GCLC: variants seen among roughly 807,000 people sequenced by gnomAD.
GCLC encodes the protein glutamate-cysteine ligase catalytic subunit.
A neutral mutation model predicts 81.5 loss-of-function variants in GCLC; 30 were observed. The observed-to-expected ratio is 0.37, with a 90% CI of 0.28 to 0.50. The LOEUF (loss-of-function observed/expected upper bound fraction) is 0.50, where lower values mean the gene tolerates loss of function less well. GCLC is among the 20% of genes least tolerant of loss of function. The probability of loss-of-function intolerance (pLI) is 0.96; values close to 1 mark genes in which losing one functional copy is unlikely to be tolerated. For missense variants in GCLC, 556 were observed against 777.4 expected (o/e 0.72, Z 3.39); for synonymous variants, 262 against 273.3 (o/e 0.96, Z 0.41).
intron 1 of GCLC, among the ~76,000 whole-genome samples, chr6:53,543,685 T>C (rs1344865026): frequency 1.3e-5 from 2 of 152,220 alleles, no homozygotes; most frequent in Non-Finnish European, 1.5e-5. Context: ...ACAAAAAGTT[T>C]TGGCAGATGA....
chr6:53,514,790 G>T (rs1480649824), intron 4 of GCLC, among the ~76,000 whole-genome samples: 1 of 152,166 alleles, frequency 6.6e-6, no homozygotes, highest in Non-Finnish European at 1.5e-5. Flanking sequence ...GGTGTTCAAA[G>T]TCTGCCATGG....
At chr6:53,516,250 T>C (rs1159317221) in intron 3 of GCLC, 28 bp from the exon 4 acceptor site, 1 of 1,371,002 alleles carries the variant, frequency 7.3e-7, no homozygotes, top group African/African-American at 1.4e-5. Flanking sequence ...ACTAAATAGA[T>C]GGGATTTGTT....
In GCLC at chr6:53,544,755, C is replaced by T; in HGVS notation, c.-110G>A. 1 of 1,109,100 alleles carries T rather than the reference C, an allele frequency of 9.0e-7. No homozygotes were observed. Among genetic ancestry groups the T allele is most frequent in the Non-Finnish European group, 1.2e-6 (1 of 809,590 alleles). The allele number at this position is 1,109,100 out of a possible 1,614,324, so 68.7% of individuals were successfully genotyped here. On this transcript the variant is annotated 5_prime_UTR_variant, in exon 1 of 16. Transcript: ENST00000650454. ...AGAAGGCGGCTGCCGCTCCACCCCG[C>T]GGGGGCGCTCTCGGGCCGCAGTCGG...
In GCLC at chr6:53,500,307, G is replaced by A. The variant is rs769273151; in HGVS notation, c.1521C>T (p.Ser507=). Residue 507 remains serine, a synonymous_variant, in exon 14 of 16, where the codon AGC becomes AGT. Transcript: ENST00000650454. ...TGTACTCCTCTGCAGCGAGCTCCGT[G>A]CTGTTCTGGGCCTTGCCACAACCAT... ...VVDGCGKAQN[S]TELAAEEYTL... is the part of the protein sequence containing the mutation. 1.2e-6 allele frequency: 2 copies of A among 1,614,170 alleles called. No homozygotes were observed. Among genetic ancestry groups the A allele is most frequent in the African/African-American group, 2.7e-5 (2 of 75,044 alleles).
intron 1 of GCLC, among the ~76,000 whole-genome samples, chr6:53,526,810 A>C (rs75598685): frequency 0.3 from 44,574 of 150,456 alleles, 7,069 homozygotes; most frequent in Admixed American, 0.43. Flanking sequence ...AAAAAAAAAA[A>C]AAAAAAACAA....
chr6:53,500,603 T>C (rs1260909806), intron 12 of GCLC, 90 bp from the exon 13 acceptor site: 3 of 905,194 alleles, frequency 3.3e-6, no homozygotes, highest in South Asian at 1.3e-5. Flanking sequence ...CAATTAGGAC[T>C]CATTCCCTTA....
chr6:53,501,139 G>C, intron 12 of GCLC: 1 of 163,390 alleles, frequency 6.1e-6, no homozygotes, highest in Non-Finnish European at 1.3e-5. Context: ...GGCTGGTTTC[G>C]AACTCCTGAC....
At position 53,538,330 on chromosome 6, in the gene GCLC, C is replaced by CTT. The variant is rs111804488; in HGVS notation, c.150+6164_150+6165dup. Among the ~76,000 whole-genome samples, 1,179 of 135,764 alleles carry CTT rather than the reference C, an allele frequency of 8.7e-3. 20 individuals carry two copies. Among genetic ancestry groups the CTT allele is most frequent in the African/African-American group, 0.03 (1,102 of 36,812 alleles). The allele number at this position is 135,764 out of a possible 152,430, so 89.1% of individuals were successfully genotyped here. The stretch of plus-strand genomic sequence containing the variant: ...CCATGCCTGGCAAGCTATGCATTTT[C>CTT]TTTTTTTTTTTTTTGAGATGCAGTC... On this transcript the variant is annotated intron_variant, in intron 1 of 15. Transcript: ENST00000650454.
At chr6:53,511,572 A>C (rs1764742191) in intron 6 of GCLC, among the ~76,000 whole-genome samples, 1 of 152,160 alleles carries the variant, frequency 6.6e-6, no homozygotes, top group South Asian at 2.1e-4. Flanking sequence ...ACAACAGTGA[A>C]GTGACTTAGT....
Position 53,498,725 on chromosome 6 carries a change from T to C in GCLC, c.*31A>G, listed in dbSNP as rs369525179. 3.1e-5 allele frequency: 43 copies of C among 1,369,272 alleles called. No individual in the cohort carries two copies. Among genetic ancestry groups the C allele is most frequent in the Non-Finnish European group, 2.1e-6 (2 of 958,096 alleles). The allele number at this position is 1,369,272 out of a possible 1,614,324, so 84.8% of individuals were successfully genotyped here. On this transcript the variant is annotated 3_prime_UTR_variant, in exon 16 of 16. Coordinates refer to ENST00000650454, the MANE Select transcript of GCLC (RefSeq NM_001498.4). ...GAGGCATGGTACTGTAGCCAGTTCGTCAATAATGCATTTTTCTTTCTGTAG... is the reference window on the plus strand; with the variant it reads ...GAGGCATGGTACTGTAGCCAGTTCGCCAATAATGCATTTTTCTTTCTGTAG...
intron 1 of GCLC, among the ~76,000 whole-genome samples, chr6:53,533,797 CTT>C (rs558357229): frequency 8.5e-5 from 12 of 141,812 alleles, no homozygotes; most frequent in Non-Finnish European, 1.1e-4. Context: ...TTTTTCTTTT[CTT>C]TTTTTTTTTT....
chr6:53,497,413 C>T lies in GCLC; in HGVS notation c.*1343G>A, dbSNP rs1045065457. The T allele has an allele frequency of 6.6e-6, 1 of 152,184 alleles. No individual in the cohort carries two copies. The highest frequency in any genetic ancestry group is 2.4e-5 in the African/African-American group (1 of 41,454). 9.4% of individuals were successfully genotyped at this position (152,184 alleles called of 1,614,324 possible). On this transcript the variant is annotated 3_prime_UTR_variant, in exon 16 of 16. Transcript: ENST00000650454. Reference sequence around the variant, plus strand: ...ACATTTCAATTTATCTGCCTTTTTACAACCTGATTTACACAAGCAAATTGC... The same window carrying T: ...ACATTTCAATTTATCTGCCTTTTTATAACCTGATTTACACAAGCAAATTGC...
rs576890093 is a variant in GCLC at position 53,507,039 on chromosome 6, T to A, written c.1085-14A>T. On this transcript the variant is annotated splice_polypyrimidine_tract_variant and intron_variant, in intron 9 of 15. Transcript: ENST00000650454. ...GATGATCAATGCCTGCAAAAAGAGA[T>A]CACATGGGAACTCACTGCAAAGCGA... is the stretch of plus-strand genomic sequence containing the variant. 1.9e-5 allele frequency: 27 copies of A among 1,403,006 alleles called. No homozygotes were observed. In the African/African-American group the frequency reaches 3.2e-4, roughly 17 times the overall value. The allele number at this position is 1,403,006 out of a possible 1,614,324, so 86.9% of individuals were successfully genotyped here.
At chr6:53,511,209 G>T (rs552725044) in intron 6 of GCLC, among the ~76,000 whole-genome samples, 1 of 145,732 alleles carries the variant, frequency 6.9e-6, no homozygotes, top group Non-Finnish European at 1.5e-5. Context: ...AGTGGGGGGG[G>T]GGTGCTAAAG....
intron 1 of GCLC, 140 bp downstream of exon 1, chr6:53,544,356 G>A: frequency 2.6e-6 from 2 of 770,888 alleles, no homozygotes; most frequent in Non-Finnish European, 4.3e-6. Flanking sequence ...CGATGCTCCC[G>A]GGGCCGGGAG....
At position 53,516,096 on chromosome 6, in the gene GCLC, A is replaced by G; in HGVS notation, c.560+13T>C. On this transcript the variant is annotated intron_variant, in intron 4 of 15. Transcript: ENST00000650454. ...TGAAGGGCATCTGCATTTCAACACA[A>G]AGCCATACTCACCTGAAGCGAGGGT... 1 of 1,468,374 alleles carries G rather than the reference A, an allele frequency of 6.8e-7. No homozygotes were observed. The highest frequency in any genetic ancestry group is 9.5e-7 in the Non-Finnish European group (1 of 1,047,246). The allele number at this position is 1,468,374 out of a possible 1,614,324, so 91.0% of individuals were successfully genotyped here. A position where few individuals can be genotyped will look rare whatever the true frequency, so the allele number is the denominator to read the frequency against.
chr6:53,532,542 C>A (rs937029802), intron 1 of GCLC, among the ~76,000 whole-genome samples: 1 of 152,202 alleles, frequency 6.6e-6, no homozygotes, highest in East Asian at 1.9e-4. Context: ...GGCAGGACTG[C>A]TGAAAAGTCT....
At chr6:53,507,973 A>G (rs2127621077) in intron 8 of GCLC, among the ~76,000 whole-genome samples, 1 of 152,384 alleles carries the variant, frequency 6.6e-6, no homozygotes, top group Non-Finnish European at 1.5e-5. Context: ...CTTAGAAAGC[A>G]TGTTCAACAA....
At chr6:53,510,842 C>G (rs1764724176) in intron 6 of GCLC, among the ~76,000 whole-genome samples, 1 of 152,124 alleles carries the variant, frequency 6.6e-6, no homozygotes, top group Non-Finnish European at 1.5e-5. Flanking sequence ...CTAGTCATTA[C>G]TAATTTAATA....
Sources: allele counts gnomAD v4.1 joint callset (sites outside exome capture counted in the v4.1 genomes callset), GRCh38; gene constraint gnomAD v4.1.1; transcripts MANE v1.5; gene names NCBI Gene and HGNC (gene_info 2026-07-23, HGNC 2026-07-21).